The following NKAIN3 variants were observed in gnomAD, a reference collection of about 807,000 sequenced individuals.
NKAIN3 encodes the protein sodium/potassium transporting ATPase interacting 3.
NKAIN3 carries 25 observed loss-of-function variants against 30.2 expected under a neutral mutation model. The observed-to-expected ratio is 0.83, with a 90% confidence interval of 0.60 to 1.16. The LOEUF is 1.16. Ranked by LOEUF, NKAIN3 falls within the 50% of genes most tolerant of loss-of-function variation. NKAIN3 has a pLI of 0.00. For synonymous variants in NKAIN3, 91 were observed against 89.6 expected, an observed-to-expected ratio of 1.02 and a Z score of -0.09; for missense variants, 225 against 254.1, an observed-to-expected ratio of 0.89 and a Z score of 0.78.
At chr8:62,710,798 G>C (rs772408008) in intron 3 of NKAIN3, among the ~76,000 whole-genome samples, 72 of 151,562 alleles carry the variant, frequency 4.8e-4, no homozygotes, top group Non-Finnish European at 1.0e-4. Flanking sequence ...TTTCTTTTTT[G>C]TTTTTGTTTT....
At chr8:62,286,059 G>A (rs1813369976) in intron 1 of NKAIN3, among the ~76,000 whole-genome samples, 1 of 152,062 alleles carries the variant, frequency 6.6e-6, no homozygotes, top group African/African-American at 2.4e-5. Context: ...TATATTATAG[G>A]CACTCAGTAA....
chr8:62,912,198 A>T (rs1309454162), intron 4 of NKAIN3, among the ~76,000 whole-genome samples: 1 of 152,212 alleles, frequency 6.6e-6, no homozygotes, highest in African/African-American at 2.4e-5. Context: ...GAAGAAGTAC[A>T]GTAAAAATAT....
chr8:62,704,963 G>T lies in NKAIN3; in HGVS notation c.274-41969G>T, dbSNP rs189403299. 3.7e-4 allele frequency among the ~76,000 whole-genome samples: 57 copies of T among 152,156 alleles called. No homozygotes were observed. In the East Asian group the frequency reaches 9.3e-3, roughly 25 times the overall value. ...ACTTATTTGTGTTTTCTTTAGGAGG[G>T]GTTTTACTTTAAATCCAATGCCAAA... is the stretch of plus-strand genomic sequence containing the variant. On this transcript the variant is annotated intron_variant, in intron 3 of 6. Transcript: ENST00000623646.
Position 62,967,771 on chromosome 8 carries a change from T to A in NKAIN3, c.*2364T>A, listed in dbSNP as rs1823744146. Among the ~76,000 whole-genome samples the A allele has an allele frequency of 6.6e-6, 1 of 152,210 alleles. No individual in the cohort carries two copies. Among genetic ancestry groups the A allele is most frequent in the Non-Finnish European group, 1.5e-5 (1 of 68,036 alleles). Reference sequence around the variant, plus strand: ...AAATGAGTATTGACATATTTTAAACTGTCACTTAATTACCCCCACACATAC... The same window carrying A: ...AAATGAGTATTGACATATTTTAAACAGTCACTTAATTACCCCCACACATAC... On this transcript the variant is annotated 3_prime_UTR_variant, in exon 7 of 7. Transcript: ENST00000623646.
intron 4 of NKAIN3, among the ~76,000 whole-genome samples, chr8:62,748,161 C>T (rs954071991): frequency 2.0e-5 from 3 of 152,140 alleles, no homozygotes; most frequent in Non-Finnish European, 4.4e-5. Context: ...AGTTCTTCTG[C>T]TTTATGTGGT....
At chr8:62,552,573 C>G (rs1424639560) in intron 1 of NKAIN3, among the ~76,000 whole-genome samples, 1 of 152,092 alleles carries the variant, frequency 6.6e-6, no homozygotes, top group Non-Finnish European at 1.5e-5. Context: ...ATGAAACATG[C>G]CATTTCTGAG....
At chr8:62,429,815 T>C (rs1017171426) in intron 1 of NKAIN3, among the ~76,000 whole-genome samples, 8 of 151,866 alleles carry the variant, frequency 5.3e-5, no homozygotes, top group Admixed American at 2.0e-4. Context: ...TTTTTAATTA[T>C]TTTTTTATTG....
intron 4 of NKAIN3, among the ~76,000 whole-genome samples, chr8:62,915,665 TACAC>T (rs900560894): frequency 6.6e-6 from 1 of 152,128 alleles, no homozygotes; most frequent in African/African-American, 2.4e-5. Context: ...TATACACATA[TACAC>T]ACACACCCCT....
intron 1 of NKAIN3, among the ~76,000 whole-genome samples, chr8:62,327,454 A>C (rs1207799878): frequency 6.6e-6 from 1 of 152,056 alleles, no homozygotes; most frequent in Non-Finnish European, 1.5e-5. Flanking sequence ...GTTAGCTGTA[A>C]CATTTAGGTC....
chr8:62,291,653 C>T (rs1014527001), intron 1 of NKAIN3, among the ~76,000 whole-genome samples: 6 of 152,136 alleles, frequency 3.9e-5, no homozygotes, highest in African/African-American at 9.7e-5. Context: ...TGCTTTACTT[C>T]GAACTATGTG....
intron 1 of NKAIN3, among the ~76,000 whole-genome samples, chr8:62,346,244 A>G (rs979880682): frequency 2.6e-5 from 4 of 152,162 alleles, no homozygotes; most frequent in Non-Finnish European, 5.9e-5. Flanking sequence ...CAAAGAAATG[A>G]TAAATGTTTA....
chr8:62,355,634 C>T (rs1353884140), intron 1 of NKAIN3, among the ~76,000 whole-genome samples: 1 of 152,174 alleles, frequency 6.6e-6, no homozygotes, highest in African/African-American at 2.4e-5. Context: ...TTACTTACAA[C>T]ACTTAATTTA....
At chr8:62,673,145 C>CATGTAATCTTT (rs1328528175) in intron 3 of NKAIN3, among the ~76,000 whole-genome samples, 2 of 152,142 alleles carry the variant, frequency 1.3e-5, no homozygotes, top group Non-Finnish European at 2.9e-5. Context: ...CTGATTCCAG[C>CATGTAATCTTT]GTCAGAGGTC....
At chr8:62,250,988 G>A (rs1812082926) in intron 1 of NKAIN3, among the ~76,000 whole-genome samples, 1 of 152,080 alleles carries the variant, frequency 6.6e-6, no homozygotes, top group South Asian at 2.1e-4. Context: ...CAACTTGAGG[G>A]TAGGGACCAT....
intron 3 of NKAIN3, among the ~76,000 whole-genome samples, chr8:62,673,185 A>G (rs2130392680): frequency 6.6e-6 from 1 of 152,394 alleles, no homozygotes; most frequent in South Asian, 2.1e-4. Context: ...GGGAAATATT[A>G]AGATCAAGTT....
intron 4 of NKAIN3, among the ~76,000 whole-genome samples, chr8:62,913,200 G>T (rs1224035207): frequency 1.3e-5 from 2 of 151,816 alleles, no homozygotes; most frequent in African/African-American, 4.9e-5. Context: ...AAGAAGTATA[G>T]TATAAATACA....
intron 1 of NKAIN3, among the ~76,000 whole-genome samples, chr8:62,423,674 G>A (rs1804717158): frequency 6.6e-6 from 1 of 151,778 alleles, no homozygotes; most frequent in South Asian, 2.1e-4. Flanking sequence ...TTTTTCAGCT[G>A]TGATTTTTAA....
At chr8:62,594,610 T>C (rs1359143471) in intron 3 of NKAIN3, among the ~76,000 whole-genome samples, 1 of 152,080 alleles carries the variant, frequency 6.6e-6, no homozygotes, top group Non-Finnish European at 1.5e-5. Flanking sequence ...AGATGAGAAA[T>C]GTCACTCTGT....
chr8:62,797,123 G>T (rs1321346419), intron 4 of NKAIN3, among the ~76,000 whole-genome samples: 1 of 152,098 alleles, frequency 6.6e-6, no homozygotes, highest in Non-Finnish European at 1.5e-5. Context: ...CTTTGTTTCC[G>T]AGAAGGATCT....
Sources: gnomAD v4.1 joint callset for allele counts (sites outside exome capture counted in the v4.1 genomes callset) on GRCh38, gnomAD v4.1.1 for gene constraint, MANE v1.5 for transcripts, NCBI Gene and HGNC (gene_info 2026-07-23, HGNC 2026-07-21) for gene names.